Variants in CCDC178 observed in about 807,000 individuals in gnomAD.
The protein encoded by CCDC178 is coiled-coil domain-containing protein 178.
CCDC178 carries 126 observed loss-of-function variants against 117.4 expected under a neutral mutation model. The ratio of observed to expected loss-of-function variants is 1.07; its 90% confidence interval spans 0.93 to 1.24. The LOEUF (loss-of-function observed/expected upper bound fraction) is 1.24. Ranked by LOEUF, CCDC178 falls within the 50% of genes most tolerant of loss-of-function variation. The pLI, the probability that CCDC178 is intolerant of heterozygous loss-of-function variation, is 0.00. For synonymous variants in CCDC178, 283 were observed against 313.4 expected, an observed-to-expected ratio of 0.90 and a Z score of 1.02; for missense variants, 1,030 against 986.9, an observed-to-expected ratio of 1.04 and a Z score of -0.59.
chr18:33,281,065 C>T (rs997909359), intron 12 of CCDC178, among the ~76,000 whole-genome samples: 2 of 150,276 alleles, frequency 1.3e-5, no homozygotes, highest in African/African-American at 5.0e-5. Context: ...AACTAACCTG[C>T]ACATTGTGCA....
At position 33,092,920 on chromosome 18, in the gene CCDC178, A is replaced by T; in HGVS notation, c.2239-10T>A. 6.7e-7 allele frequency: 1 copy of T among 1,491,630 alleles called. No individual in the cohort carries two copies. The highest frequency in any genetic ancestry group is 2.3e-5 in the Admixed American group (1 of 44,120). The allele number at this position is 1,491,630 out of a possible 1,614,324, so 92.4% of individuals were successfully genotyped here. ...AATCAGCTATTATTTTCTAGAAGGT[A>T]AAAAAATATAATTGAATTGTGTGTA... On this transcript the variant is annotated splice_polypyrimidine_tract_variant and intron_variant, in intron 20 of 22. Transcript: ENST00000383096.
At chr18:33,344,251 C>G (rs1294117117) in intron 9 of CCDC178, among the ~76,000 whole-genome samples, 1 of 144,294 alleles carries the variant, frequency 6.9e-6, no homozygotes, top group Non-Finnish European at 1.5e-5. Flanking sequence ...TTGCAGTGAG[C>G]CGAGATTGCG....
chr18:33,397,865 T>C (rs1318808352), intron 3 of CCDC178, among the ~76,000 whole-genome samples: 1 of 152,104 alleles, frequency 6.6e-6, no homozygotes, highest in Non-Finnish European at 1.5e-5. Flanking sequence ...TGTAGGAACA[T>C]ATTTAATAAT....
At chr18:33,344,480 T>G (rs1192779401) in intron 9 of CCDC178, among the ~76,000 whole-genome samples, 1 of 152,134 alleles carries the variant, frequency 6.6e-6, no homozygotes, top group African/African-American at 2.4e-5. Context: ...TAACAAATAT[T>G]TATTCCATAG....
chr18:33,200,560 G>A (rs2058979961), intron 20 of CCDC178, among the ~76,000 whole-genome samples: 1 of 152,080 alleles, frequency 6.6e-6, no homozygotes, highest in Non-Finnish European at 1.5e-5. Flanking sequence ...ATCTACAAAC[G>A]CTATAAACCA....
intron 14 of CCDC178, among the ~76,000 whole-genome samples, chr18:33,247,496 A>C (rs1284802885): frequency 6.6e-6 from 1 of 151,904 alleles, no homozygotes; most frequent in Non-Finnish European, 1.5e-5. Context: ...CAAATTGAGA[A>C]GAGACAAAGA....
At chr18:33,064,449 G>T (rs2056977867) in intron 21 of CCDC178, among the ~76,000 whole-genome samples, 1 of 152,100 alleles carries the variant, frequency 6.6e-6, no homozygotes, top group South Asian at 2.1e-4. Context: ...TCAAACAAAA[G>T]AAATGATTTC....
At chr18:33,343,568 C>T (rs911732307) in intron 9 of CCDC178, among the ~76,000 whole-genome samples, 1 of 152,062 alleles carries the variant, frequency 6.6e-6, no homozygotes, top group African/African-American at 2.4e-5. Context: ...GGTCTCTTGC[C>T]ACAGATTCCC....
At chr18:33,327,726 T>C (rs1323731243) in intron 10 of CCDC178, among the ~76,000 whole-genome samples, 1 of 152,128 alleles carries the variant, frequency 6.6e-6, no homozygotes, top group Non-Finnish European at 1.5e-5. Flanking sequence ...TTTTCATGTG[T>C]TTGCTGCCCA....
At chr18:33,331,001 C>T (rs2062659678) in intron 10 of CCDC178, among the ~76,000 whole-genome samples, 1 of 141,846 alleles carries the variant, frequency 7.0e-6, no homozygotes, top group Admixed American at 7.4e-5. Context: ...TCATTTTGGC[C>T]CTGATAAGCT....
At chr18:33,182,268 T>C (rs553889240) in intron 20 of CCDC178, among the ~76,000 whole-genome samples, 4 of 151,994 alleles carry the variant, frequency 2.6e-5, no homozygotes, top group East Asian at 1.9e-4. Flanking sequence ...GTATGCACTT[T>C]ATAGTATCTT....
At chr18:33,040,755 G>T (rs528404471) in intron 21 of CCDC178, among the ~76,000 whole-genome samples, 2 of 151,930 alleles carry the variant, frequency 1.3e-5, no homozygotes, top group African/African-American at 2.4e-5. Flanking sequence ...CAGCCAAATT[G>T]TTCCCCTAGT....
At chr18:33,053,542 A>C (rs1481355459) in intron 21 of CCDC178, among the ~76,000 whole-genome samples, 2 of 152,226 alleles carry the variant, frequency 1.3e-5, no homozygotes, top group African/African-American at 4.8e-5. Context: ...AGTAACTCCA[A>C]AATAAGAGTT....
intron 21 of CCDC178, among the ~76,000 whole-genome samples, chr18:33,043,866 C>T (rs895537367): frequency 4.6e-5 from 7 of 151,718 alleles, no homozygotes; most frequent in East Asian, 1.9e-4. Flanking sequence ...CAAAATTTCT[C>T]GCCGTAATAG....
chr18:33,337,786 T>C (rs2062761001), intron 9 of CCDC178, among the ~76,000 whole-genome samples: 1 of 152,106 alleles, frequency 6.6e-6, no homozygotes, highest in Non-Finnish European at 1.5e-5. Context: ...TTAGATCTAA[T>C]ACTTGAAATC....
intron 21 of CCDC178, among the ~76,000 whole-genome samples, chr18:33,052,612 G>A (rs114626688): frequency 0.011 from 1,679 of 152,204 alleles, 32 homozygotes; most frequent in African/African-American, 0.037. Flanking sequence ...CCTAGAGGAA[G>A]AGAAAAACAT....
At chr18:33,075,157 CTCA>C (rs1356453637) in intron 21 of CCDC178, among the ~76,000 whole-genome samples, 3 of 152,182 alleles carry the variant, frequency 2.0e-5, no homozygotes, top group Non-Finnish European at 4.4e-5. Flanking sequence ...CAGATGAGTT[CTCA>C]TCTTCTATGA....
chr18:33,249,218 G>A (rs979174670), intron 14 of CCDC178, among the ~76,000 whole-genome samples: 13 of 152,208 alleles, frequency 8.5e-5, no homozygotes, highest in African/African-American at 3.1e-4. Flanking sequence ...TCTGTGGGTT[G>A]CCTGTTCACT....
intron 21 of CCDC178, among the ~76,000 whole-genome samples, chr18:33,011,802 A>AAAAAAAAAAAAG: frequency 7.1e-6 from 1 of 141,424 alleles, no homozygotes. Flanking sequence ...AAAAAAAAAA[A>AAAAAAAAAAAAG]AAAAAAGGAC....
Sources: allele counts gnomAD v4.1 joint callset (sites outside exome capture counted in the v4.1 genomes callset), GRCh38; gene constraint gnomAD v4.1.1; transcripts MANE v1.5; gene names NCBI Gene and HGNC (gene_info 2026-07-23, HGNC 2026-07-21).